The following ITPRID2 variants were observed in gnomAD, a reference collection of about 807,000 sequenced individuals.
The protein encoded by ITPRID2 is protein ITPRID2.
A neutral mutation model predicts 124.3 loss-of-function variants in ITPRID2; 60 were observed. The observed-to-expected ratio is 0.48, with a 90% CI of 0.39 to 0.60. The LOEUF is 0.60. Among genes scored for constraint, ITPRID2 ranks in the 20% least tolerant of loss-of-function variants. ITPRID2 has a pLI of 0.00. For missense variants in ITPRID2, 1,553 were observed against 1,512.2 expected, an observed-to-expected ratio of 1.03 and a Z score of -0.45; for synonymous variants, 521 against 542.9, an observed-to-expected ratio of 0.96 and a Z score of 0.56.
At chr2:181,926,712 CAAAAAAAA>C (rs567004734) in intron 16 of ITPRID2, among the ~76,000 whole-genome samples, 28 of 65,976 alleles carry the variant, frequency 4.2e-4, no homozygotes, top group Non-Finnish European at 6.8e-4. Context: ...GAATCCATCT[CAAAAAAAA>C]AAAAAAAAAA....
At position 181,896,030 on chromosome 2, in the gene ITPRID2, T is replaced by C. The variant is rs139517487; in HGVS notation, c.258T>C (p.Arg86=). Residue 86 remains arginine (R), a splice_region_variant and synonymous_variant, in exon 3 of 18, where the codon CGT becomes CGC. Transcript: ENST00000431877. This position sits in a 1 kb window ranked among gnomAD's most constrained non-coding sequence, Gnocchi z 4.3. ...EKIAIWLKDC[R]TPLGASLDEQ... ...GGCTTATACGTTTATATGGTTTCAG[T>C]ACACCTTTGGGAGCCTCACTGGATG... 152 of 1,612,768 alleles carry C rather than the reference T, an allele frequency of 9.4e-5. No individual in the cohort carries two copies. The African/African-American group carries it at 1.6e-3, about 17-fold the overall frequency.
chr2:181,892,192 G>A lies in ITPRID2; in HGVS notation c.126G>A (p.Leu42=), dbSNP rs914303579. ...GGCAAGCGTCGGAGACGGAGGATCT[G>A]TCCACAGAAGCGACGACGCAGGACG... ...SSWQASETED[L]STEATTQDEE... The change falls in exon 1 of 18, where the codon CTG becomes CTA. Residue 42 remains leucine, a synonymous_variant. Transcript: ENST00000431877. The surrounding 1 kb of genome is among the most constrained non-coding windows in gnomAD (Gnocchi z 5.2). 3 of 1,553,052 alleles carry A rather than the reference G, an allele frequency of 1.9e-6. No homozygotes were observed. Among genetic ancestry groups the A allele is most frequent in the Non-Finnish European group, 1.7e-6 (2 of 1,148,192 alleles).
rs3815878 is a variant in ITPRID2 at position 181,896,390 on chromosome 2, T to G, written c.307+311T>G. 0.1 allele frequency among the ~76,000 whole-genome samples: 15,945 copies of G among 151,998 alleles called. 1,759 individuals are homozygous for G. Among genetic ancestry groups the G allele is most frequent in the African/African-American group, 0.28 (11,469 of 41,474 alleles). On this transcript the variant is annotated intron_variant, in intron 3 of 17. Transcript: ENST00000431877. The surrounding 1 kb of genome is among the most constrained non-coding windows in gnomAD (Gnocchi z 4.3). Reference sequence around the variant, plus strand: ...AATACTTATTGAGTGAACAAAAGTTTAGTCAACTTTCGTGCAGCATTTCTT... The same window carrying G: ...AATACTTATTGAGTGAACAAAAGTTGAGTCAACTTTCGTGCAGCATTTCTT...
intron 8 of ITPRID2, among the ~76,000 whole-genome samples, chr2:181,904,205 A>T (rs1049541798): frequency 2.6e-5 from 4 of 152,268 alleles, no homozygotes; most frequent in Admixed American, 1.3e-4. Context: ...ACCTTTAATG[A>T]TAGTCTGGGG....
chr2:181,899,961 G>A (rs1423375931), intron 6 of ITPRID2, among the ~76,000 whole-genome samples: 1 of 152,170 alleles, frequency 6.6e-6, no homozygotes, highest in Non-Finnish European at 1.5e-5. Flanking sequence ...TAGAATCTGA[G>A]CATTTTGTCT....
intron 16 of ITPRID2, among the ~76,000 whole-genome samples, chr2:181,924,801 C>T (rs1694728710): frequency 6.6e-6 from 1 of 152,172 alleles, no homozygotes; most frequent in Admixed American, 6.5e-5. Flanking sequence ...AAACTTTTGT[C>T]ATATTAAAGA....
At chr2:181,917,855 C>G (rs1275095848) in intron 11 of ITPRID2, 2 of 152,178 alleles carry the variant, frequency 1.3e-5, no homozygotes, top group East Asian at 3.8e-4. Context: ...AATCATGGCT[C>G]CCTGCAGTCT....
At position 181,916,125 on chromosome 2, in the gene ITPRID2, C is replaced by T. The variant is rs769420572; in HGVS notation, c.2485C>T (p.Pro829Ser). 6.2e-7 allele frequency: 1 copy of T among 1,614,202 alleles called. No individual in the cohort carries two copies. Among genetic ancestry groups the T allele is most frequent in the Admixed American group, 1.7e-5 (1 of 60,024 alleles). Residue 829 changes from proline to serine, a missense_variant, in exon 11 of 18, where the codon CCT becomes TCT. Pro to Ser is a moderately conservative substitution (Grantham distance 74). Transcript: ENST00000431877. Reference sequence around the variant, plus strand: ...GGAGGAATGCCATCATGGAAGGACTCCTACCTGTTCACGGCTTGCTCCACC... The same window carrying T: ...GGAGGAATGCCATCATGGAAGGACTTCTACCTGTTCACGGCTTGCTCCACC... ...RVEECHHGRTPTCSRLAPPPM... is the reference protein window; with the variant it reads ...RVEECHHGRTSTCSRLAPPPM...
At chr2:181,911,007 A>C (rs1003263504) in intron 9 of ITPRID2, among the ~76,000 whole-genome samples, 4 of 152,234 alleles carry the variant, frequency 2.6e-5, no homozygotes, top group Non-Finnish European at 5.9e-5. Context: ...CTTGCCATGC[A>C]TTAAAAGGAG....
At chr2:181,918,577 C>T (rs1398818467) in intron 11 of ITPRID2, 21 bp from the exon 12 acceptor site, 1 of 1,612,406 alleles carries the variant, frequency 6.2e-7, no homozygotes, top group East Asian at 2.2e-5. Context: ...TGGTTTTAAT[C>T]CTACTTTTAC....
intron 7 of ITPRID2, 121 bp downstream of exon 7, chr2:181,901,025 G>A (rs1488587160): frequency 8.1e-6 from 6 of 741,924 alleles, no homozygotes; most frequent in Non-Finnish European, 1.2e-5. Context: ...ATTGATTAAC[G>A]CAAAAGCCAT....
At chr2:181,913,194 A>G (rs1309338821) in intron 9 of ITPRID2, among the ~76,000 whole-genome samples, 3 of 152,020 alleles carry the variant, frequency 2.0e-5, no homozygotes, top group African/African-American at 7.2e-5. Flanking sequence ...CAGCCTCTCG[A>G]GTAGCTGGGA....
At chr2:181,926,637 C>T (rs966886122) in intron 16 of ITPRID2, among the ~76,000 whole-genome samples, 4 of 148,118 alleles carry the variant, frequency 2.7e-5, no homozygotes, top group Non-Finnish European at 5.9e-5. Context: ...GGCGTGAACC[C>T]AGGAGGCGGA....
chr2:181,900,992 G>T, intron 7 of ITPRID2, 88 bp downstream of exon 7: 1 of 1,025,982 alleles, frequency 9.7e-7, no homozygotes, highest in Non-Finnish European at 1.4e-6. Flanking sequence ...TAATTTTCAG[G>T]AATAGCACTG....
chr2:181,896,134 T>C lies in ITPRID2; in HGVS notation c.307+55T>C. 1 of 1,462,234 alleles carries C rather than the reference T, an allele frequency of 6.8e-7. No individual in the cohort carries two copies. The highest frequency in any genetic ancestry group is 2.3e-5 in the East Asian group (1 of 44,060). The allele number at this position is 1,462,234 out of a possible 1,614,324, so 90.6% of individuals were successfully genotyped here. A position where few individuals can be genotyped will look rare whatever the true frequency, so the allele number is the denominator to read the frequency against. On this transcript the variant is annotated intron_variant, in intron 3 of 17. Coordinates refer to ENST00000431877, the MANE Select transcript of ITPRID2 (RefSeq NM_001130445.3). The surrounding 1 kb of genome is among the most constrained non-coding windows in gnomAD (Gnocchi z 4.3). The stretch of plus-strand genomic sequence containing the variant: ...TCTTTATGACAGTTCTACTTCTTTG[T>C]CCTCTGGGTAAAAGTGTATATATGA...
chr2:181,902,472 T>TA lies in ITPRID2; in HGVS notation c.1413+12dup, dbSNP rs1437447967. ...ACTCCTTCGAAATGGAAGAGGTAGGTAAAAAATTACTGAGACTGGTTTCAA... is the reference window on the plus strand; with the variant it reads ...ACTCCTTCGAAATGGAAGAGGTAGGTAAAAAAATTACTGAGACTGGTTTCAA... On this transcript the variant is annotated splice_region_variant and intron_variant, in intron 8 of 17. Coordinates refer to ENST00000431877, the MANE Select transcript of ITPRID2 (RefSeq NM_001130445.3). This position sits in a 1 kb window ranked among gnomAD's most constrained non-coding sequence, Gnocchi z 4.4. The TA allele has an allele frequency of 6.0e-6, 9 of 1,507,472 alleles. No individual in the cohort carries two copies. Among genetic ancestry groups the TA allele is most frequent in the Non-Finnish European group, 7.1e-6 (8 of 1,128,262 alleles). The allele number at this position is 1,507,472 out of a possible 1,614,324, so 93.4% of individuals were successfully genotyped here. A position where few individuals can be genotyped will look rare whatever the true frequency, so the allele number is the denominator to read the frequency against.
Position 181,929,880 on chromosome 2 carries a change from T to C in ITPRID2, c.*333T>C. On this transcript the variant is annotated 3_prime_UTR_variant, in exon 18 of 18. Transcript: ENST00000431877. The stretch of plus-strand genomic sequence containing the variant: ...CTTCCAGACTTATCCAACTTATAAA[T>C]AACATATTTCTTCAGACTAACATCT... The C allele has an allele frequency of 6.2e-6, 2 of 321,906 alleles. No homozygotes were observed. Among genetic ancestry groups the C allele is most frequent in the Non-Finnish European group, 1.1e-5 (2 of 177,814 alleles). 19.9% of individuals were successfully genotyped at this position (321,906 alleles called of 1,614,324 possible).
At position 181,919,399 on chromosome 2, in the gene ITPRID2, C is replaced by A. The variant is rs1263816334; in HGVS notation, c.3097C>A (p.Leu1033Ile). 2 of 1,613,628 alleles carry A rather than the reference C, an allele frequency of 1.2e-6. No individual in the cohort carries two copies. Among genetic ancestry groups the A allele is most frequent in the South Asian group, 2.2e-5 (2 of 91,050 alleles). Reference protein sequence around the residue: ...EERLLGLEEQLRAVRMPSPFR... With the variant: ...EERLLGLEEQIRAVRMPSPFR... Reference sequence around the variant, plus strand: ...GCGCCTGCTGGGCCTGGAGGAGCAGCTTCGTGCTGTGCGCATGCCTTCACC... The same window carrying A: ...GCGCCTGCTGGGCCTGGAGGAGCAGATTCGTGCTGTGCGCATGCCTTCACC... The change falls in exon 14 of 18, where the codon CTT becomes ATT. Residue 1033 changes from leucine (L) to isoleucine (I), a missense_variant. Coordinates refer to ENST00000431877, the MANE Select transcript of ITPRID2 (RefSeq NM_001130445.3). This position sits in a 1 kb window ranked among gnomAD's most constrained non-coding sequence, Gnocchi z 4.2.
chr2:181,903,882 A>AG (rs1692880064), intron 8 of ITPRID2, among the ~76,000 whole-genome samples: 1 of 152,108 alleles, frequency 6.6e-6, no homozygotes, highest in African/African-American at 2.4e-5. Context: ...TAAAGTGTAA[A>AG]TTTTTGCCTA....
Sources: allele counts gnomAD v4.1 joint callset (sites outside exome capture counted in the v4.1 genomes callset), GRCh38; gene constraint gnomAD v4.1.1; non-coding constraint Gnocchi (gnomAD v3.1); transcripts MANE v1.5; gene names NCBI Gene and HGNC (gene_info 2026-07-23, HGNC 2026-07-21).